GYG1: variants seen among roughly 807,000 people sequenced by gnomAD.
GYG1 encodes the protein glycogenin-1.
In GYG1, 44 loss-of-function variants were observed where a neutral mutation model predicts 41.9. The ratio of observed to expected loss-of-function variants is 1.05; its 90% CI spans 0.83 to 1.35. The LOEUF (loss-of-function observed/expected upper bound fraction) is 1.35. GYG1 is among the 40% of genes most tolerant of loss of function. The pLI is 0.00. For synonymous variants in GYG1, 141 were observed against 158.1 expected (o/e 0.89, Z 0.81); for missense variants, 429 against 418.9 (o/e 1.02, Z -0.21).
chr3:149,016,791 T>C (rs1714075847), intron 5 of GYG1, among the ~76,000 whole-genome samples: 1 of 152,140 alleles, frequency 6.6e-6, no homozygotes, highest in Admixed American at 6.5e-5. Flanking sequence ...ACTTAGATTG[T>C]GAGTGCGTGA....
chr3:149,010,526 C>T (rs752297024), intron 5 of GYG1, among the ~76,000 whole-genome samples: 3 of 151,986 alleles, frequency 2.0e-5, no homozygotes, highest in Non-Finnish European at 4.4e-5. Flanking sequence ...GGGGTTTCAC[C>T]GCATTGTCCA....
chr3:149,026,353 A>C (rs1485042955), intron 6 of GYG1, 99 bp from the exon 7 acceptor site: 1 of 815,092 alleles, frequency 1.2e-6, no homozygotes, highest in African/African-American at 1.7e-5. Flanking sequence ...ATTTTGTTTA[A>C]GTTCTCAACC....
Position 149,006,225 on chromosome 3 carries a change from G to A in GYG1, c.482-3051G>A, listed in dbSNP as rs1006610070. ...AGCCTCCCAAGTAGCTGGAACTATA[G>A]GCGCGTGCCACCATGCCCGGCTAAT... On this transcript the variant is annotated intron_variant, in intron 4 of 7. Transcript: ENST00000345003. 2.0e-5 allele frequency among the ~76,000 whole-genome samples: 3 copies of A among 151,948 alleles called. No homozygotes were observed. The South Asian group carries it at 6.2e-4, about 32-fold the overall frequency.
At chr3:149,005,647 C>T (rs1457289416) in intron 4 of GYG1, among the ~76,000 whole-genome samples, 2 of 152,184 alleles carry the variant, frequency 1.3e-5, no homozygotes, top group African/African-American at 2.4e-5. Context: ...AGGCATTCTG[C>T]TACATGTTAG....
chr3:149,019,213 C>T (rs1185629444), intron 5 of GYG1, among the ~76,000 whole-genome samples: 1 of 152,126 alleles, frequency 6.6e-6, no homozygotes, highest in East Asian at 1.9e-4. Context: ...CAGAATCTTT[C>T]TTACCTCCTC....
intron 2 of GYG1, among the ~76,000 whole-genome samples, chr3:148,995,016 C>T (rs1712707601): frequency 6.6e-6 from 1 of 152,182 alleles, no homozygotes; most frequent in African/African-American, 2.4e-5. Context: ...CCCGTCTCTA[C>T]TAAAAATACA....
intron 4 of GYG1, among the ~76,000 whole-genome samples, chr3:148,998,111 C>T (rs926104707): frequency 1.5e-4 from 23 of 152,186 alleles, no homozygotes; most frequent in Admixed American, 1.4e-3. Flanking sequence ...GAAGTTAAAA[C>T]ATTTCAAATT....
intron 2 of GYG1, among the ~76,000 whole-genome samples, chr3:148,996,060 GAT>G (rs764261857): frequency 1.3e-5 from 2 of 152,160 alleles, no homozygotes; most frequent in Non-Finnish European, 2.9e-5. Flanking sequence ...AACGTTTTAA[GAT>G]GAGCATTTCA....
At chr3:149,018,569 T>C (rs1039034254) in intron 5 of GYG1, among the ~76,000 whole-genome samples, 6 of 152,032 alleles carry the variant, frequency 3.9e-5, no homozygotes, top group Admixed American at 1.3e-4. Context: ...GCCCCATTTT[T>C]CCCCCACTTA....
At position 148,994,127 on chromosome 3, in the gene GYG1, T is replaced by C. The variant is rs781644209; in HGVS notation, c.8-15T>C. 3.1e-6 allele frequency: 5 copies of C among 1,612,500 alleles called. No homozygotes were observed. In the African/African-American group the frequency reaches 6.7e-5, roughly 22 times the overall value. On this transcript the variant is annotated splice_polypyrimidine_tract_variant and intron_variant, in intron 1 of 7. Coordinates refer to ENST00000345003, the MANE Select transcript of GYG1 (RefSeq NM_004130.4). ...AAGATACTGTAATGAGTGTTTTTTT[T>C]TTCTTTGTATTAAGATCAGGCCTTT...
intron 5 of GYG1, among the ~76,000 whole-genome samples, chr3:149,023,317 G>T (rs1714469828): frequency 6.6e-6 from 1 of 152,208 alleles, no homozygotes; most frequent in African/African-American, 2.4e-5. Context: ...AGGAGGCTGG[G>T]AGTAATGTAT....
chr3:149,013,722 A>G (rs1713863859), intron 5 of GYG1, among the ~76,000 whole-genome samples: 1 of 152,222 alleles, frequency 6.6e-6, no homozygotes, highest in African/African-American at 2.4e-5. Context: ...CAAAGAAATT[A>G]AACCTTCAGT....
chr3:149,008,895 C>T (rs1339944472), intron 4 of GYG1: 7 of 213,974 alleles, frequency 3.3e-5, no homozygotes, highest in Admixed American at 5.3e-5. Context: ...TGATGGCTCA[C>T]GTTGGTAGTC....
chr3:148,995,749 A>T, intron 2 of GYG1, among the ~76,000 whole-genome samples: 1 of 152,338 alleles, frequency 6.6e-6, no homozygotes, highest in South Asian at 2.1e-4. Flanking sequence ...ATACGTTTTT[A>T]CCCGTGCTCA....
chr3:149,009,442 G>A (rs1236929788), intron 5 of GYG1, 40 bp downstream of exon 5: 1 of 1,606,170 alleles, frequency 6.2e-7, no homozygotes, highest in African/African-American at 1.3e-5. Flanking sequence ...AGATGTTGAG[G>A]GCAGAGAATT....
In GYG1 at chr3:149,024,212, C is replaced by T. The variant is rs986344901; in HGVS notation, c.768C>T (p.Asn256=). ...TGTGGTGGAACATCTTTACCACCAACGTTTTACCTCTGCTTCAACAATTTG... is the reference window on the plus strand; with the variant it reads ...TGTGGTGGAACATCTTTACCACCAATGTTTTACCTCTGCTTCAACAATTTG... ...LILWWNIFTT[N]VLPLLQQFGL... is the part of the protein sequence containing the mutation. The change falls in exon 6 of 8, where the codon AAC becomes AAT. Residue 256 remains asparagine, a synonymous_variant. Coordinates refer to ENST00000345003, the MANE Select transcript of GYG1 (RefSeq NM_004130.4). 5.0e-6 allele frequency: 8 copies of T among 1,613,438 alleles called. No individual in the cohort carries two copies. The highest frequency in any genetic ancestry group is 3.3e-5 in the Admixed American group (2 of 60,000).
At chr3:149,011,090 C>T (rs763378966) in intron 5 of GYG1, among the ~76,000 whole-genome samples, 1 of 152,198 alleles carries the variant, frequency 6.6e-6, no homozygotes, top group Non-Finnish European at 1.5e-5. Flanking sequence ...ATATTACATT[C>T]TCTTCCCTTT....
intron 5 of GYG1, among the ~76,000 whole-genome samples, chr3:149,020,360 A>T (rs562080045): frequency 1.3e-5 from 2 of 152,352 alleles, no homozygotes; most frequent in African/African-American, 4.8e-5. Flanking sequence ...TCACTCTCAG[A>T]CAATACCCTT....
chr3:149,015,866 T>G (rs1042343319), intron 5 of GYG1, among the ~76,000 whole-genome samples: 1 of 151,584 alleles, frequency 6.6e-6, no homozygotes, highest in African/African-American at 2.4e-5. Flanking sequence ...ATGTTGGGGG[T>G]GGGGACAATG....
Sources: gnomAD v4.1 joint callset for allele counts (sites outside exome capture counted in the v4.1 genomes callset) on GRCh38, gnomAD v4.1.1 for gene constraint, MANE v1.5 for transcripts, NCBI Gene and HGNC (gene_info 2026-07-23, HGNC 2026-07-21) for gene names.